Variants in CCDC141 observed in about 807,000 individuals in gnomAD.
CCDC141 encodes coiled-coil domain containing 141.
A neutral mutation model predicts 181.0 loss-of-function variants in CCDC141; 168 were observed. The ratio of observed to expected loss-of-function variants is 0.93; its 90% confidence interval spans 0.82 to 1.05. The LOEUF is 1.05. Ranked by LOEUF, CCDC141 falls within the 50% of genes least tolerant of loss-of-function variation. The pLI, the probability that CCDC141 is intolerant of heterozygous loss-of-function variation, is 0.00. For synonymous variants in CCDC141, 666 were observed against 642.3 expected (o/e 1.04, Z -0.56); for missense variants, 1,902 against 1,788.5 (o/e 1.06, Z -1.14).
At chr2:179,019,385 A>G (rs1575355250) in intron 2 of CCDC141, among the ~76,000 whole-genome samples, 1 of 152,138 alleles carries the variant, frequency 6.6e-6, no homozygotes, top group African/African-American at 2.4e-5. Context: ...GATGAGAGAG[A>G]AGCATTCATG....
chr2:178,971,778 A>G lies in CCDC141; in HGVS notation c.526+3279T>C, dbSNP rs188452574. ...GGATGAGTTCATGTCCTTTGCAGGG[A>G]CATGGATGAAGCTGGAAACCATCAT... On this transcript the variant is annotated intron_variant, in intron 4 of 23. Coordinates refer to ENST00000443758, the MANE Select transcript of CCDC141 (RefSeq NM_173648.4). Among the ~76,000 whole-genome samples, 598 of 152,330 alleles carry G rather than the reference A, an allele frequency of 3.9e-3. 6 individuals are homozygous for G. Among genetic ancestry groups the G allele is most frequent in the African/African-American group, 0.013 (557 of 41,580 alleles).
Position 178,985,659 on chromosome 2 carries a change from C to A in CCDC141, c.226-6984G>T, listed in dbSNP as rs1311023808. 5.6e-3 allele frequency among the ~76,000 whole-genome samples: 823 copies of A among 145,968 alleles called. 8 individuals are homozygous for A. Among genetic ancestry groups the A allele is most frequent in the African/African-American group, 0.02 (790 of 39,018 alleles). ...TATCACCACCGATCCCACAGAAATA[C>A]AAACTACCATCAGAGAATACTACAA... is the stretch of plus-strand genomic sequence containing the variant. On this transcript the variant is annotated intron_variant, in intron 2 of 23. Transcript: ENST00000443758.
intron 6 of CCDC141, among the ~76,000 whole-genome samples, chr2:178,923,878 A>T (rs1405514774): frequency 6.6e-6 from 1 of 152,222 alleles, no homozygotes; most frequent in Non-Finnish European, 1.5e-5. Flanking sequence ...ATTAGTGCTG[A>T]CAGACAAGAA....
At chr2:178,874,062 T>C (rs1686245046) in intron 12 of CCDC141, 1 of 152,120 alleles carries the variant, frequency 6.6e-6, no homozygotes, top group Non-Finnish European at 1.5e-5. Context: ...GACAACCCAA[T>C]AAAGAACAGA....
chr2:178,859,068 G>A (rs188658337), intron 17 of CCDC141, among the ~76,000 whole-genome samples: 1 of 152,312 alleles, frequency 6.6e-6, no homozygotes, highest in African/African-American at 2.4e-5. Context: ...GTCAAAGAAT[G>A]TTCATGACAC....
chr2:179,028,640 G>T (rs2042921562), intron 2 of CCDC141, among the ~76,000 whole-genome samples: 1 of 152,006 alleles, frequency 6.6e-6, no homozygotes, highest in African/African-American at 2.4e-5. Flanking sequence ...TAAGGTTTGG[G>T]ATTATCTTCA....
intron 2 of CCDC141, among the ~76,000 whole-genome samples, chr2:178,982,909 G>A (rs1034979347): frequency 1.3e-5 from 2 of 152,218 alleles, no homozygotes; most frequent in Non-Finnish European, 2.9e-5. Flanking sequence ...CCATTGCCCA[G>A]GCTTGCTTAG....
chr2:178,962,555 G>C (rs189354217), intron 4 of CCDC141, among the ~76,000 whole-genome samples: 6 of 151,922 alleles, frequency 3.9e-5, no homozygotes, highest in Non-Finnish European at 7.4e-5. Context: ...TAGCCACAGC[G>C]ATCTTTTCTA....
At chr2:178,954,551 A>T in intron 5 of CCDC141, among the ~76,000 whole-genome samples, 1 of 152,240 alleles carries the variant, frequency 6.6e-6, no homozygotes, top group East Asian at 1.9e-4. Context: ...AAGGAGAATT[A>T]GCTGAACTAT....
At chr2:178,932,030 A>G (rs900823392) in intron 6 of CCDC141, among the ~76,000 whole-genome samples, 3 of 152,078 alleles carry the variant, frequency 2.0e-5, no homozygotes, top group African/African-American at 4.8e-5. Context: ...ATGGTTATGC[A>G]TGCTTGTAAT....
intron 2 of CCDC141, among the ~76,000 whole-genome samples, chr2:178,981,616 A>G (rs1478501352): frequency 8.1e-6 from 1 of 124,220 alleles, no homozygotes; most frequent in Non-Finnish European, 1.6e-5. Flanking sequence ...AAAAATTTGT[A>G]GCATTGAATG....
chr2:178,876,474 A>T (rs1558947427), intron 12 of CCDC141: 1 of 152,216 alleles, frequency 6.6e-6, no homozygotes, highest in Non-Finnish European at 1.5e-5. Flanking sequence ...GATTTATGTC[A>T]AATTGTCTAT....
intron 20 of CCDC141, among the ~76,000 whole-genome samples, chr2:178,851,215 A>G (rs930150234): frequency 6.6e-6 from 1 of 151,764 alleles, no homozygotes; most frequent in African/African-American, 2.4e-5. Context: ...CAAAAAAAAA[A>G]AAAAAAAAAG....
intron 2 of CCDC141, among the ~76,000 whole-genome samples, chr2:178,989,559 A>T (rs907303750): frequency 6.6e-6 from 1 of 150,746 alleles, no homozygotes; most frequent in Non-Finnish European, 1.5e-5. Context: ...ATACCACTGT[A>T]CTCCAGCCTG....
rs185942584 is a variant in CCDC141 at position 178,861,357 on chromosome 2, C to T, written c.2724+4410G>A. On this transcript the variant is annotated intron_variant, in intron 17 of 23. Coordinates refer to ENST00000443758, the MANE Select transcript of CCDC141 (RefSeq NM_173648.4). ...AATTTTTAAAAATTTTTTGTAGGGCCGGGCACAGTGGCTCACGCCTGTAAT... is the reference window on the plus strand; with the variant it reads ...AATTTTTAAAAATTTTTTGTAGGGCTGGGCACAGTGGCTCACGCCTGTAAT... 7.0e-4 allele frequency among the ~76,000 whole-genome samples: 107 copies of T among 152,020 alleles called. No individual in the cohort carries two copies. In the Middle Eastern group the frequency reaches 0.017, roughly 24 times the overall value.
chr2:178,996,466 T>C (rs1692292961), intron 2 of CCDC141, among the ~76,000 whole-genome samples: 1 of 152,176 alleles, frequency 6.6e-6, no homozygotes, highest in Non-Finnish European at 1.5e-5. Context: ...GGTAAACATG[T>C]AACTTCCCAG....
intron 11 of CCDC141, among the ~76,000 whole-genome samples, chr2:178,884,485 A>G (rs1686782268): frequency 6.6e-6 from 1 of 152,174 alleles, no homozygotes; most frequent in African/African-American, 2.4e-5. Flanking sequence ...CCATGTAAAA[A>G]TGTAGGTTTT....
At chr2:179,007,975 C>G (rs1396152326) in intron 2 of CCDC141, among the ~76,000 whole-genome samples, 1 of 152,138 alleles carries the variant, frequency 6.6e-6, no homozygotes, top group Non-Finnish European at 1.5e-5. Context: ...CTTAGTTTAG[C>G]TCATAAAATC....
chr2:178,984,181 A>G (rs1159158962), intron 2 of CCDC141, among the ~76,000 whole-genome samples: 1 of 151,690 alleles, frequency 6.6e-6, no homozygotes, highest in Non-Finnish European at 1.5e-5. Flanking sequence ...AAAGAAAAGA[A>G]TTTTCAACCC....
Sources: gnomAD v4.1 joint callset for allele counts (sites outside exome capture counted in the v4.1 genomes callset) on GRCh38, gnomAD v4.1.1 for gene constraint, MANE v1.5 for transcripts, NCBI Gene and HGNC (gene_info 2026-07-23, HGNC 2026-07-21) for gene names.